ATXN7L1: variants seen among roughly 807,000 people sequenced by gnomAD.
ATXN7L1 encodes the protein ataxin-7-like protein 1.
A neutral mutation model predicts 70.8 loss-of-function variants in ATXN7L1; 15 were observed. That is an observed-to-expected ratio of 0.21 (90% CI 0.14 to 0.33). The LOEUF (loss-of-function observed/expected upper bound fraction) is 0.33. ATXN7L1 is among the 10% of genes least tolerant of loss of function. The probability of loss-of-function intolerance (pLI) is 1.00; values close to 1 mark genes in which losing one functional copy is unlikely to be tolerated. For missense variants in ATXN7L1, 975 were observed against 1,097.1 expected, an observed-to-expected ratio of 0.89 and a Z score of 1.57; for synonymous variants, 440 against 445.1, an observed-to-expected ratio of 0.99 and a Z score of 0.14.
At chr7:105,760,281 T>C (rs1800376311) in intron 3 of ATXN7L1, 1 of 959,522 alleles carries the variant, frequency 1.0e-6, no homozygotes. Context: ...GTTAAAAAAA[T>C]GCTTTTCCAT....
chr7:105,608,876 A>G (rs1485092325), intron 11 of ATXN7L1, among the ~76,000 whole-genome samples: 1 of 152,190 alleles, frequency 6.6e-6, no homozygotes, highest in Non-Finnish European at 1.5e-5. Flanking sequence ...CAGGCAACAT[A>G]ACAACACGGT....
chr7:105,728,165 T>A (rs1796134355), intron 3 of ATXN7L1, among the ~76,000 whole-genome samples: 1 of 152,166 alleles, frequency 6.6e-6, no homozygotes, highest in Non-Finnish European at 1.5e-5. Context: ...CAAGAAAATC[T>A]AACTGTATTA....
At chr7:105,610,978 T>C (rs934163035) in intron 10 of ATXN7L1, among the ~76,000 whole-genome samples, 1 of 152,204 alleles carries the variant, frequency 6.6e-6, no homozygotes, top group African/African-American at 2.4e-5. Flanking sequence ...ACACAGCTCA[T>C]ATACCTCTGA....
chr7:105,636,449 C>T (rs535862250), intron 7 of ATXN7L1, among the ~76,000 whole-genome samples: 10 of 148,608 alleles, frequency 6.7e-5, no homozygotes, highest in African/African-American at 2.2e-4. Context: ...GTTCCTCTGC[C>T]CCCCCCACCC....
At chr7:105,681,227 C>G (rs1215492157) in intron 3 of ATXN7L1, among the ~76,000 whole-genome samples, 2 of 152,230 alleles carry the variant, frequency 1.3e-5, no homozygotes, top group Admixed American at 1.3e-4. Flanking sequence ...GAGTTCGAGA[C>G]CAGCCTGGCC....
chr7:105,805,101 G>A (rs1015338729), intron 2 of ATXN7L1, among the ~76,000 whole-genome samples: 11 of 152,220 alleles, frequency 7.2e-5, no homozygotes, highest in Admixed American at 6.5e-5. Context: ...CGAACGAGCC[G>A]GACAGTAGAG....
chr7:105,754,184 G>GGCA (rs1306461829), intron 3 of ATXN7L1, among the ~76,000 whole-genome samples: 4 of 152,142 alleles, frequency 2.6e-5, no homozygotes, highest in Non-Finnish European at 4.4e-5. Context: ...GTTGAGGATA[G>GGCA]GCAGGCACAG....
intron 4 of ATXN7L1, among the ~76,000 whole-genome samples, chr7:105,653,841 TGG>T (rs1439651366): frequency 1.1e-4 from 16 of 152,048 alleles, no homozygotes; most frequent in African/African-American, 3.6e-4. Context: ...TGCCTTTCTG[TGG>T]GCCGGGCTCT....
intron 8 of ATXN7L1, among the ~76,000 whole-genome samples, chr7:105,622,268 G>A (rs1429397407): frequency 6.6e-6 from 1 of 152,204 alleles, no homozygotes; most frequent in Non-Finnish European, 1.5e-5. Context: ...ACTGCAGCCT[G>A]GCAGGTTGTC....
At chr7:105,644,584 T>C (rs77373138) in intron 4 of ATXN7L1, among the ~76,000 whole-genome samples, 2,367 of 152,324 alleles carry the variant, frequency 0.016, 63 homozygotes, top group African/African-American at 0.054. Context: ...TTCTATTTAA[T>C]GGCAATTCTC....
intron 8 of ATXN7L1, among the ~76,000 whole-genome samples, chr7:105,623,457 C>A (rs965362949): frequency 6.6e-6 from 1 of 152,206 alleles, no homozygotes; most frequent in Non-Finnish European, 1.5e-5. Flanking sequence ...TGTCAATGAC[C>A]TTCTGAACTG....
At position 105,657,246 on chromosome 7, in the gene ATXN7L1, G is replaced by A. The variant is rs1421155306; in HGVS notation, c.578+7820C>T. Reference sequence around the variant, plus strand: ...AGCAGCACCAGGCCAAGGGGAGAAAGGAGTTGGAATTTAGCAACTCCTGAT... The same window carrying A: ...AGCAGCACCAGGCCAAGGGGAGAAAAGAGTTGGAATTTAGCAACTCCTGAT... On this transcript the variant is annotated intron_variant, in intron 4 of 11. Transcript: ENST00000419735. Among the ~76,000 whole-genome samples, 3 of 152,274 alleles carry A rather than the reference G, an allele frequency of 2.0e-5. No individual in the cohort carries two copies. The East Asian group carries it at 5.8e-4, about 29-fold the overall frequency.
chr7:105,825,128 T>C (rs907354460), intron 2 of ATXN7L1, among the ~76,000 whole-genome samples: 1 of 152,140 alleles, frequency 6.6e-6, no homozygotes, highest in Admixed American at 6.5e-5. Flanking sequence ...GAGAGAAAAT[T>C]ACTTCCAACT....
rs887755241 is a variant in ATXN7L1, at chr7:105,609,176, C to CT, written c.2548-1287dup. ...ACCATGGGCAAGGCCTCCCCCTCCT[C>CT]TTTTTTTTTTTGAGACAAAGTCTCA... is the stretch of plus-strand genomic sequence containing the variant. On this transcript the variant is annotated intron_variant, in intron 11 of 11. Transcript: ENST00000419735. 8.9e-4 allele frequency among the ~76,000 whole-genome samples: 131 copies of CT among 147,042 alleles called. 1 individual carries two copies. The highest frequency in any genetic ancestry group is 7.1e-3 in the Middle Eastern group (2 of 282).
At chr7:105,609,714 G>A (rs1343882884) in intron 11 of ATXN7L1, among the ~76,000 whole-genome samples, 1 of 151,700 alleles carries the variant, frequency 6.6e-6, no homozygotes, top group African/African-American at 2.4e-5. Flanking sequence ...CTCCTGCCTC[G>A]GCCTCCCAAA....
intron 3 of ATXN7L1, among the ~76,000 whole-genome samples, chr7:105,711,194 A>G (rs1011107512): frequency 6.6e-6 from 1 of 152,120 alleles, no homozygotes; most frequent in African/African-American, 2.4e-5. Flanking sequence ...CCATGATCCA[A>G]TGACCTCCCA....
intron 2 of ATXN7L1, among the ~76,000 whole-genome samples, chr7:105,813,710 CT>C (rs1585064801): frequency 6.6e-6 from 1 of 151,948 alleles, no homozygotes; most frequent in Non-Finnish European, 1.5e-5. Context: ...GTTTTTTTTC[CT>C]TTTCTGGAAA....
At chr7:105,742,381 A>G (rs180791475) in intron 3 of ATXN7L1, among the ~76,000 whole-genome samples, 2 of 152,322 alleles carry the variant, frequency 1.3e-5, no homozygotes, top group East Asian at 3.9e-4. Context: ...ATAGGCAATA[A>G]CCCTTACCTC....
chr7:105,787,605 CTTTAT>C (rs1804497259), intron 3 of ATXN7L1, among the ~76,000 whole-genome samples: 1 of 152,086 alleles, frequency 6.6e-6, no homozygotes, highest in African/African-American at 2.4e-5. Context: ...GCTCAACTCC[CTTTAT>C]TTTATTATAG....
Sources: gnomAD v4.1 joint callset for allele counts (sites outside exome capture counted in the v4.1 genomes callset) on GRCh38, gnomAD v4.1.1 for gene constraint, MANE v1.5 for transcripts, NCBI Gene and HGNC (gene_info 2026-07-23, HGNC 2026-07-21) for gene names.